BIRC3: variants seen among roughly 807,000 people sequenced by gnomAD.
BIRC3 encodes the protein baculoviral IAP repeat-containing protein 3.
BIRC3 carries 26 observed loss-of-function variants against 59.0 expected under a neutral mutation model. That is an observed-to-expected ratio of 0.44 (90% CI 0.32 to 0.61). The LOEUF (loss-of-function observed/expected upper bound fraction) is 0.61, where lower values mean the gene tolerates loss of function less well. Ranked by LOEUF, BIRC3 falls within the 20% of genes least tolerant of loss-of-function variation. The pLI, the probability that BIRC3 is intolerant of heterozygous loss-of-function variation, is 0.04. For missense variants in BIRC3, 641 were observed against 711.5 expected, an observed-to-expected ratio of 0.90 and a Z score of 1.13; for synonymous variants, 243 against 249.2, an observed-to-expected ratio of 0.98 and a Z score of 0.24.
At chr11:102,326,793 C>T (rs1022680119) in intron 3 of BIRC3, 11 of 454,414 alleles carry the variant, frequency 2.4e-5, no homozygotes, top group Non-Finnish European at 4.4e-5. Flanking sequence ...CTGCAACCTC[C>T]GCCTCTTGGG....
At chr11:102,318,328 A>G (rs977071845) in intron 1 of BIRC3, among the ~76,000 whole-genome samples, 4 of 152,086 alleles carry the variant, frequency 2.6e-5, no homozygotes, top group African/African-American at 9.7e-5. Context: ...ACTGCTTGGT[A>G]TTGGGCACCC....
In BIRC3 at chr11:102,325,084, C is replaced by T; in HGVS notation, c.575C>T (p.Ala192Val). The T allele has an allele frequency of 6.2e-7, 1 of 1,614,182 alleles. No homozygotes were observed. The highest frequency in any genetic ancestry group is 8.5e-7 in the Non-Finnish European group (1 of 1,180,022). Residue 192 changes from alanine to valine, a missense_variant, in exon 2 of 9, where the codon GCA (alanine) becomes GTA (valine). Coordinates refer to ENST00000263464, the MANE Select transcript of BIRC3 (RefSeq NM_001165.5). ...TFLSPTDLAK[A>V]GFYYIGPGDR... ...CTGTCGCCAACAGATCTGGCAAAAGCAGGCTTTTACTACATAGGACCTGGA... is the reference window on the plus strand; with the variant it reads ...CTGTCGCCAACAGATCTGGCAAAAGTAGGCTTTTACTACATAGGACCTGGA...
chr11:102,324,758 T>C lies in BIRC3; in HGVS notation c.249T>C (p.Thr83=), dbSNP rs1951064174. Residue 83 remains threonine (T), a synonymous_variant, in exon 2 of 9, where the codon ACT becomes ACC. Coordinates refer to ENST00000263464, the MANE Select transcript of BIRC3 (RefSeq NM_001165.5). ...LDNWKRGDSP[T]EKHKKLYPSC... ...ACTGGAAAAGAGGAGACAGTCCTAC[T>C]GAAAAGCATAAAAAGTTGTATCCTA... 2 of 1,614,206 alleles carry C rather than the reference T, an allele frequency of 1.2e-6. No homozygotes were observed. Among genetic ancestry groups the C allele is most frequent in the Non-Finnish European group, 1.7e-6 (2 of 1,180,028 alleles).
intron 3 of BIRC3, chr11:102,326,996 G>T (rs760011287): frequency 3.0e-5 from 10 of 332,554 alleles, no homozygotes; most frequent in African/African-American, 4.4e-5. Flanking sequence ...AATCTTAGAA[G>T]AGTTGAAGAG....
At chr11:102,327,825 G>T (rs1053325442) in intron 3 of BIRC3, among the ~76,000 whole-genome samples, 8 of 149,392 alleles carry the variant, frequency 5.4e-5, no homozygotes, top group African/African-American at 2.0e-4. Context: ...TAGAAAAAAA[G>T]TTTTTTTTTT....
chr11:102,330,849 C>A, intron 5 of BIRC3, 150 bp from the exon 6 acceptor site: 1 of 759,224 alleles, frequency 1.3e-6, no homozygotes. Flanking sequence ...TTAAATTTAA[C>A]AATGTTCATA....
intron 4 of BIRC3, 64 bp downstream of exon 4, chr11:102,328,194 G>T (rs1951104154): frequency 1.6e-6 from 2 of 1,226,318 alleles, no homozygotes; most frequent in Non-Finnish European, 2.4e-6. Flanking sequence ...GATAATTACA[G>T]AGAGTGCTAT....
chr11:102,324,341 A>G lies in BIRC3; in HGVS notation c.-169A>G. Reference sequence around the variant, plus strand: ...TTTCTTCCTTAAAATGTATCAGTATAGGATTTAGAATCTCCATGTTGAAAC... The same window carrying G: ...TTTCTTCCTTAAAATGTATCAGTATGGGATTTAGAATCTCCATGTTGAAAC... On this transcript the variant is annotated 5_prime_UTR_variant, in exon 2 of 9. In the 5' UTR this introduces an upstream ATG that the reference lacks. Transcript: ENST00000263464. The G allele has an allele frequency of 1.5e-6, 1 of 661,646 alleles. No homozygotes were observed. The highest frequency in any genetic ancestry group is 3.4e-5 in the Admixed American group (1 of 29,228). The allele number at this position is 661,646 out of a possible 1,614,324, so 41.0% of individuals were successfully genotyped here. A position where few individuals can be genotyped will look rare whatever the true frequency, so the allele number is the denominator to read the frequency against.
Position 102,324,739 on chromosome 11 carries a change from A to C in BIRC3, c.230A>C (p.Lys77Thr). The change falls in exon 2 of 9, where the codon AAA becomes ACA. Residue 77 changes from lysine (K) to threonine (T), a missense_variant. Physicochemically the swap from Lys to Thr is moderately conservative, Grantham distance 78. Coordinates refer to ENST00000263464, the MANE Select transcript of BIRC3 (RefSeq NM_001165.5). ...FCCGLMLDNWKRGDSPTEKHK... is the reference protein window; with the variant it reads ...FCCGLMLDNWTRGDSPTEKHK... Reference sequence around the variant, plus strand: ...TGTGGCCTGATGCTGGATAACTGGAAAAGAGGAGACAGTCCTACTGAAAAG... The same window carrying C: ...TGTGGCCTGATGCTGGATAACTGGACAAGAGGAGACAGTCCTACTGAAAAG... 6.2e-7 allele frequency: 1 copy of C among 1,614,186 alleles called. No homozygotes were observed.
At position 102,336,038 on chromosome 11, in the gene BIRC3, A is replaced by C. The variant is rs897547684; in HGVS notation, c.1397A>C (p.Asp466Ala). 6.2e-7 allele frequency: 1 copy of C among 1,613,518 alleles called. No homozygotes were observed. The highest frequency in any genetic ancestry group is 8.5e-7 in the Non-Finnish European group (1 of 1,179,714). The change falls in exon 7 of 9, where the codon GAT becomes GCT. Residue 466 changes from aspartate (D) to alanine (A), a missense_variant. Transcript: ENST00000263464. ...TTGACTTGTGTAATTCCAATCCTGG[A>C]TAGTCTACTAACTGCCGGAATTATT... ...QHLTCVIPIL[D>A]SLLTAGIINE...
chr11:102,319,426 CGAG>C (rs2135780620), intron 1 of BIRC3, among the ~76,000 whole-genome samples: 1 of 152,056 alleles, frequency 6.6e-6, no homozygotes, highest in South Asian at 2.1e-4. Flanking sequence ...AAAGGCCAGT[CGAG>C]AGTGACAGGA....
intron 7 of BIRC3, 44 bp from the exon 8 acceptor site, chr11:102,336,716 T>A: frequency 6.4e-7 from 1 of 1,552,988 alleles, no homozygotes; most frequent in African/African-American, 1.4e-5. Context: ...AGCTAAATAT[T>A]AACCTTATTT....
intron 6 of BIRC3, 72 bp from the exon 7 acceptor site, chr11:102,335,894 T>C (rs1951190387): frequency 1.4e-6 from 2 of 1,438,172 alleles, no homozygotes; most frequent in Non-Finnish European, 1.9e-6. Context: ...TATCCTGCTA[T>C]ATATATAGGA....
chr11:102,325,039 AGACATGGCCATT>A lies in BIRC3; in HGVS notation c.534_545del (p.Trp179_Thr182del). On this transcript the variant is annotated inframe_deletion, in exon 2 of 9. Transcript: ENST00000263464. Reference sequence around the variant, plus strand: ...GAAAATGCCAGATTACTTACTTTTCAGACATGGCCATTGACTTTTCTGTCGCCAACAGATCTG... The same window carrying A: ...GAAAATGCCAGATTACTTACTTTTCAGACTTTTCTGTCGCCAACAGATCTG... 6.2e-7 allele frequency: 1 copy of A among 1,614,224 alleles called. No individual in the cohort carries two copies. Among genetic ancestry groups the A allele is most frequent in the Non-Finnish European group, 8.5e-7 (1 of 1,180,026 alleles).
chr11:102,323,702 T>C lies in BIRC3; in HGVS notation c.-808T>C, dbSNP rs1362097461. ...TCTTTATTTGGAGAGAAATTTTAGA[T>C]TGTTTTGTTCTCCTTATTAGAAGGA... is the stretch of plus-strand genomic sequence containing the variant. On this transcript the variant is annotated 5_prime_UTR_variant, in exon 2 of 9. Coordinates refer to ENST00000263464, the MANE Select transcript of BIRC3 (RefSeq NM_001165.5). 5.0e-6 allele frequency: 1 copy of C among 198,886 alleles called. No individual in the cohort carries two copies. The highest frequency in any genetic ancestry group is 1.0e-5 in the Non-Finnish European group (1 of 96,420). 12.3% of individuals were successfully genotyped at this position (198,886 alleles called of 1,614,324 possible).
At chr11:102,328,026 C>T (rs370920899) in intron 3 of BIRC3, 26 bp from the exon 4 acceptor site, 25 of 1,552,788 alleles carry the variant, frequency 1.6e-5, no homozygotes, top group Non-Finnish European at 2.0e-5. Context: ...AATAATCCCT[C>T]AAATTTTATT....
rs1591526048 is a variant in BIRC3, at chr11:102,336,354, G to A, written c.1579+134G>A. 5.8e-6 allele frequency: 6 copies of A among 1,037,206 alleles called. No homozygotes were observed. In the East Asian group the frequency reaches 1.6e-4, roughly 28 times the overall value. 64.3% of individuals were successfully genotyped at this position (1,037,206 alleles called of 1,614,324 possible). On this transcript the variant is annotated intron_variant, in intron 7 of 8. Transcript: ENST00000263464. ...TGCCTGTAATCCTAACACCTTGGGA[G>A]GCTGAGGCAGGTGGATTGCTTGAGC...
In BIRC3 at chr11:102,325,132, G is replaced by A; in HGVS notation, c.623G>A (p.Cys208Tyr). The A allele has an allele frequency of 8.7e-6, 14 of 1,614,152 alleles. No individual in the cohort carries two copies. Among genetic ancestry groups the A allele is most frequent in the Non-Finnish European group, 1.1e-5 (13 of 1,180,014 alleles). The change falls in exon 2 of 9, where the codon TGT becomes TAT. Residue 208 changes from cysteine (C) to tyrosine (Y), a missense_variant. Around this residue, in one of 4 missense-constraint regions of BIRC3, gnomAD observed 329 missense variants for 365.6 expected, o/e 0.90. Coordinates refer to ENST00000263464, the MANE Select transcript of BIRC3 (RefSeq NM_001165.5). ...GPGDRVACFA[C>Y]GGKLSNWEPK... Reference sequence around the variant, plus strand: ...GGAGACAGAGTGGCTTGCTTTGCCTGTGGTGGAAAATTGAGCAATTGGGAA... The same window carrying A: ...GGAGACAGAGTGGCTTGCTTTGCCTATGGTGGAAAATTGAGCAATTGGGAA...
In BIRC3 at chr11:102,337,424, T is replaced by C; in HGVS notation, c.*322T>C. 1 of 403,570 alleles carries C rather than the reference T, an allele frequency of 2.5e-6. No homozygotes were observed. The highest frequency in any genetic ancestry group is 3.5e-5 in the East Asian group (1 of 28,188). The allele number at this position is 403,570 out of a possible 1,614,324, so 25.0% of individuals were successfully genotyped here. On this transcript the variant is annotated 3_prime_UTR_variant, in exon 9 of 9. Transcript: ENST00000263464. ...TGAGTTAACCTTTAAGAATTTTAAA[T>C]ATTTTGGCATTGTACTAATACCGGG...
Sources: gnomAD v4.1 joint callset for allele counts (sites outside exome capture counted in the v4.1 genomes callset) on GRCh38, gnomAD v4.1.1 for gene constraint, gnomAD v4.1.1 regional missense constraint, MANE v1.5 for transcripts, NCBI Gene and HGNC (gene_info 2026-07-23, HGNC 2026-07-21) for gene names.